Variants in AKAP6 observed in about 807,000 individuals in gnomAD.
AKAP6 encodes the protein A-kinase anchoring protein 6.
In AKAP6, 58 loss-of-function variants were observed where a neutral mutation model predicts 188.5. That is an observed-to-expected ratio of 0.31 (90% CI 0.25 to 0.38). The LOEUF (loss-of-function observed/expected upper bound fraction) is 0.38, where lower values mean the gene tolerates loss of function less well. AKAP6 is among the 10% of genes least tolerant of loss of function. AKAP6 has a pLI of 1.00. For missense variants in AKAP6, 2,710 were observed against 2,740.0 expected, an observed-to-expected ratio of 0.99 and a Z score of 0.24; for synonymous variants, 989 against 998.6, an observed-to-expected ratio of 0.99 and a Z score of 0.18.
chr14:32,443,154 G>T (rs1377425738), intron 2 of AKAP6, among the ~76,000 whole-genome samples: 1 of 152,070 alleles, frequency 6.6e-6, no homozygotes, highest in South Asian at 2.1e-4. Flanking sequence ...CCAGTACTTT[G>T]GGCGGCCGAG....
chr14:32,643,046 C>A (rs536771253), intron 7 of AKAP6, among the ~76,000 whole-genome samples: 1 of 152,176 alleles, frequency 6.6e-6, no homozygotes, highest in Admixed American at 6.5e-5. Flanking sequence ...ACAACTAGAG[C>A]AAATCTGTAC....
intron 7 of AKAP6, among the ~76,000 whole-genome samples, chr14:32,615,399 T>G (rs553063360): frequency 7.1e-6 from 1 of 139,926 alleles, no homozygotes; most frequent in East Asian, 2.8e-4. Flanking sequence ...CAGCACTTCT[T>G]ATAAGTTCCT....
chr14:32,469,220 A>G (rs1812122768), intron 2 of AKAP6, among the ~76,000 whole-genome samples: 1 of 152,154 alleles, frequency 6.6e-6, no homozygotes. Flanking sequence ...AGTCCTGTGA[A>G]AGCAATAGAG....
Position 32,695,979 on chromosome 14 carries a change from C to T in AKAP6, c.2880-11C>T. 1 of 1,610,874 alleles carries T rather than the reference C, an allele frequency of 6.2e-7. No homozygotes were observed. Among genetic ancestry groups the T allele is most frequent in the Non-Finnish European group, 8.5e-7 (1 of 1,179,152 alleles). The stretch of plus-strand genomic sequence containing the variant: ...TATTTATGCATACTACATTTTGCGC[C>T]TTATCTTCAGGCTTCTGGACTTTGA... On this transcript the variant is annotated splice_polypyrimidine_tract_variant and intron_variant, in intron 8 of 13. Coordinates refer to ENST00000280979, the MANE Select transcript of AKAP6 (RefSeq NM_004274.5).
intron 12 of AKAP6, among the ~76,000 whole-genome samples, chr14:32,820,787 G>A (rs2034498897): frequency 6.6e-6 from 1 of 152,140 alleles, no homozygotes; most frequent in Admixed American, 6.6e-5. Context: ...ATTGGGAGCA[G>A]GGCCACAGTC....
chr14:32,567,810 G>A (rs530026984), intron 4 of AKAP6, among the ~76,000 whole-genome samples: 3 of 152,278 alleles, frequency 2.0e-5, no homozygotes, highest in Non-Finnish European at 4.4e-5. Context: ...GTGTCAAGGA[G>A]TCAGCCCTTT....
Position 32,829,886 on chromosome 14 carries a change from C to T in AKAP6, c.*81C>T, listed in dbSNP as rs770139959. ...CAACTCAGGGGTGGCCTCATCCTCC[C>T]GCCCTGGGCTGGCCTCTGGTTCCAT... On this transcript the variant is annotated 3_prime_UTR_variant, in exon 14 of 14. Transcript: ENST00000280979. The T allele has an allele frequency of 4.8e-5, 34 of 702,446 alleles. No individual in the cohort carries two copies. The highest frequency in any genetic ancestry group is 7.4e-5 in the South Asian group (5 of 67,582). The allele number at this position is 702,446 out of a possible 1,614,324, so 43.5% of individuals were successfully genotyped here. A position where few individuals can be genotyped will look rare whatever the true frequency, so the allele number is the denominator to read the frequency against.
intron 2 of AKAP6, among the ~76,000 whole-genome samples, chr14:32,490,142 T>A (rs1467712100): frequency 3.7e-5 from 3 of 81,464 alleles, no homozygotes; most frequent in African/African-American, 9.1e-5. Flanking sequence ...ATTGATCAGT[T>A]AGGATAGGGC....
At chr14:32,818,927 G>C (rs1354451410) in intron 12 of AKAP6, among the ~76,000 whole-genome samples, 1 of 152,156 alleles carries the variant, frequency 6.6e-6, no homozygotes, top group Non-Finnish European at 1.5e-5. Flanking sequence ...CACTCTCAGA[G>C]TACAGTGTCA....
In AKAP6 at chr14:32,834,267, T is replaced by C. The variant is rs887282679; in HGVS notation, c.*4462T>C. 2 of 152,160 alleles carry C rather than the reference T, an allele frequency of 1.3e-5. No homozygotes were observed. The highest frequency in any genetic ancestry group is 4.8e-5 in the African/African-American group (2 of 41,426). 9.4% of individuals were successfully genotyped at this position (152,160 alleles called of 1,614,324 possible). ...AATTAGCCAGGCGTGGTAGCTGTAATCCCAGCTACTTGGGAGGCTGAGGCA... is the reference window on the plus strand; with the variant it reads ...AATTAGCCAGGCGTGGTAGCTGTAACCCCAGCTACTTGGGAGGCTGAGGCA... On this transcript the variant is annotated 3_prime_UTR_variant, in exon 14 of 14. Coordinates refer to ENST00000280979, the MANE Select transcript of AKAP6 (RefSeq NM_004274.5).
intron 7 of AKAP6, among the ~76,000 whole-genome samples, chr14:32,623,498 C>T (rs1886894539): frequency 6.6e-6 from 1 of 152,070 alleles, no homozygotes; most frequent in African/African-American, 2.4e-5. Flanking sequence ...CACTTTAAAT[C>T]AGGAAAGGAA....
intron 2 of AKAP6, among the ~76,000 whole-genome samples, chr14:32,528,640 T>C (rs1882252758): frequency 6.6e-6 from 1 of 152,132 alleles, no homozygotes; most frequent in Non-Finnish European, 1.5e-5. Flanking sequence ...TTAAACATTG[T>C]TTTGGATATT....
intron 2 of AKAP6, among the ~76,000 whole-genome samples, chr14:32,487,141 C>T (rs1350025897): frequency 6.6e-6 from 1 of 152,176 alleles, no homozygotes; most frequent in African/African-American, 2.4e-5. Context: ...GTATGTTGAA[C>T]CAGCTTTGCA....
At chr14:32,585,215 G>T (rs955354300) in intron 5 of AKAP6, among the ~76,000 whole-genome samples, 1 of 152,096 alleles carries the variant, frequency 6.6e-6, no homozygotes, top group African/African-American at 2.4e-5. Context: ...CATTCACAAG[G>T]AGACAAACCA....
chr14:32,801,502 G>C (rs560494749), intron 12 of AKAP6, among the ~76,000 whole-genome samples: 1 of 152,068 alleles, frequency 6.6e-6, no homozygotes, highest in Non-Finnish European at 1.5e-5. Flanking sequence ...CACCCAGTAC[G>C]TTGTTACTAC....
intron 2 of AKAP6, among the ~76,000 whole-genome samples, chr14:32,470,550 C>T (rs1340084361): frequency 1.3e-5 from 2 of 152,160 alleles, no homozygotes; most frequent in African/African-American, 2.4e-5. Context: ...GATCTGTCAG[C>T]TTCATCTCTG....
At chr14:32,829,539 A>T in intron 13 of AKAP6, among the ~76,000 whole-genome samples, 2 of 152,114 alleles carry the variant, frequency 1.3e-5, no homozygotes, top group East Asian at 3.9e-4. Context: ...CTGAGTGCAC[A>T]GGCAAAAGAG....
chr14:32,762,812 A>G (rs530446102), intron 11 of AKAP6, among the ~76,000 whole-genome samples: 16 of 152,182 alleles, frequency 1.1e-4, no homozygotes, highest in African/African-American at 3.9e-4. Flanking sequence ...TTAATGATTC[A>G]ACTTGATTGG....
At chr14:32,784,610 G>A (rs185602638) in intron 12 of AKAP6, among the ~76,000 whole-genome samples, 7 of 152,274 alleles carry the variant, frequency 4.6e-5, no homozygotes, top group Non-Finnish European at 7.4e-5. Flanking sequence ...GAGTGGGGCT[G>A]TTGTATTACT....
Sources: gnomAD v4.1 joint callset for allele counts (sites outside exome capture counted in the v4.1 genomes callset) on GRCh38, gnomAD v4.1.1 for gene constraint, MANE v1.5 for transcripts, NCBI Gene and HGNC (gene_info 2026-07-23, HGNC 2026-07-21) for gene names.